The following MSI2 variants were observed in gnomAD, a reference collection of about 807,000 sequenced individuals.
MSI2 encodes the protein RNA-binding protein Musashi homolog 2.
In MSI2, 17 loss-of-function variants were observed where a neutral mutation model predicts 45.6. That is an observed-to-expected ratio of 0.37 (90% CI 0.26 to 0.56). The LOEUF (loss-of-function observed/expected upper bound fraction) is 0.56, where lower values mean the gene tolerates loss of function less well. MSI2 is among the 20% of genes least tolerant of loss of function. The pLI is 0.77. For missense variants in MSI2, 293 were observed against 444.2 expected, an observed-to-expected ratio of 0.66 and a Z score of 3.06; for synonymous variants, 156 against 158.2, an observed-to-expected ratio of 0.99 and a Z score of 0.11.
chr17:57,348,667 G>A (rs771988739), intron 5 of MSI2, among the ~76,000 whole-genome samples: 28 of 152,214 alleles, frequency 1.8e-4, no homozygotes, highest in Admixed American at 5.2e-4. Flanking sequence ...GCTGGAAGCC[G>A]TGCAGATGTG....
At chr17:57,613,840 G>A (rs1016825242) in intron 8 of MSI2, among the ~76,000 whole-genome samples, 1 of 152,098 alleles carries the variant, frequency 6.6e-6, no homozygotes, top group Non-Finnish European at 1.5e-5. Context: ...GAACCATTTT[G>A]TCCACTTTTT....
At chr17:57,513,122 C>T (rs865940557) in intron 6 of MSI2, among the ~76,000 whole-genome samples, 9 of 151,694 alleles carry the variant, frequency 5.9e-5, no homozygotes, top group Admixed American at 1.3e-4. Flanking sequence ...TACAGGTGCC[C>T]GCCACCACTG....
At chr17:57,624,197 A>G (rs965215) in intron 9 of MSI2, among the ~76,000 whole-genome samples, 133,616 of 152,290 alleles carry the variant, frequency 0.88, 58,854 homozygotes, top group African/African-American at 0.95. Flanking sequence ...GGTGACACAT[A>G]GGCTTATGCT....
rs536886585 is a variant in MSI2, at chr17:57,429,670, C to G, written c.405+28199C>G. Among the ~76,000 whole-genome samples the G allele has an allele frequency of 1.8e-3, 281 of 152,032 alleles. 1 individual carries two copies. Among genetic ancestry groups the G allele is most frequent in the Non-Finnish European group, 2.2e-3 (152 of 67,984 alleles). On this transcript the variant is annotated intron_variant, in intron 6 of 13. Coordinates refer to ENST00000284073, the MANE Select transcript of MSI2 (RefSeq NM_138962.4). Reference sequence around the variant, plus strand: ...GTGGGGAGTCATAGCCAGTGGAGCTCTAGTCTGTAACAAACACACCATCGG... The same window carrying G: ...GTGGGGAGTCATAGCCAGTGGAGCTGTAGTCTGTAACAAACACACCATCGG...
At chr17:57,277,617 C>T (rs1908989436) in intron 5 of MSI2, among the ~76,000 whole-genome samples, 1 of 152,192 alleles carries the variant, frequency 6.6e-6, no homozygotes, top group Non-Finnish European at 1.5e-5. Flanking sequence ...AGGAGGCAGA[C>T]AGTCTTAGGG....
At chr17:57,532,745 T>C (rs1817537475) in intron 7 of MSI2, among the ~76,000 whole-genome samples, 1 of 152,222 alleles carries the variant, frequency 6.6e-6, no homozygotes, top group African/African-American at 2.4e-5. Flanking sequence ...AGTGCTGCAG[T>C]GGCAGAAGTT....
intron 13 of MSI2, 138 bp from the exon 14 acceptor site, chr17:57,679,411 A>T (rs1913463701): frequency 7.7e-6 from 2 of 259,348 alleles, no homozygotes; most frequent in Non-Finnish European, 1.3e-5. Context: ...CGTATTCAAT[A>T]GTCCAGTGAA....
At chr17:57,344,763 A>G (rs1915454484) in intron 5 of MSI2, among the ~76,000 whole-genome samples, 1 of 152,196 alleles carries the variant, frequency 6.6e-6, no homozygotes, top group Non-Finnish European at 1.5e-5. Flanking sequence ...TAGTTTGCTC[A>G]ATCCTTAATA....
chr17:57,336,462 A>G (rs956898567), intron 5 of MSI2, among the ~76,000 whole-genome samples: 9 of 152,168 alleles, frequency 5.9e-5, no homozygotes, highest in Non-Finnish European at 7.4e-5. Flanking sequence ...TTTCGGGGTA[A>G]TACAGGACTT....
At chr17:57,283,814 G>T (rs1205250163) in intron 5 of MSI2, among the ~76,000 whole-genome samples, 1 of 152,200 alleles carries the variant, frequency 6.6e-6, no homozygotes, top group Non-Finnish European at 1.5e-5. Flanking sequence ...TTCAGGTGGG[G>T]CCTGCCGGGT....
chr17:57,606,895 T>TG lies in MSI2; in HGVS notation c.538-9066dup, dbSNP rs368966255. Among the ~76,000 whole-genome samples, 233 of 87,206 alleles carry TG rather than the reference T, an allele frequency of 2.7e-3. 1 individual carries two copies. The highest frequency in any genetic ancestry group is 6.3e-3 in the East Asian group (20 of 3,180). 57.2% of individuals were successfully genotyped at this position (87,206 alleles called of 152,430 possible). On this transcript the variant is annotated intron_variant, in intron 8 of 13. Transcript: ENST00000284073. The stretch of plus-strand genomic sequence containing the variant: ...GGAAGGGCTGTGTGAGGTGGGGTGA[T>TG]GGGGGGGGGTGGCTGGCAGCCAGAG...
At chr17:57,363,490 C>T (rs940457196) in intron 5 of MSI2, among the ~76,000 whole-genome samples, 1 of 152,166 alleles carries the variant, frequency 6.6e-6, no homozygotes, top group Admixed American at 6.5e-5. Flanking sequence ...ATAATCCCAG[C>T]CCTTTGGGAG....
intron 6 of MSI2, among the ~76,000 whole-genome samples, chr17:57,498,259 C>A (rs187891078): frequency 6.6e-6 from 1 of 152,228 alleles, no homozygotes; most frequent in East Asian, 1.9e-4. Flanking sequence ...AATCTCAATA[C>A]CCCAATTATG....
intron 5 of MSI2, among the ~76,000 whole-genome samples, chr17:57,303,195 T>C (rs955873495): frequency 2.6e-5 from 4 of 152,194 alleles, no homozygotes; most frequent in Non-Finnish European, 4.4e-5. Flanking sequence ...TTTTACTACA[T>C]GTTCAGCTGA....
chr17:57,341,220 C>T (rs1369605676), intron 5 of MSI2, among the ~76,000 whole-genome samples: 1 of 152,130 alleles, frequency 6.6e-6, no homozygotes, highest in Non-Finnish European at 1.5e-5. Context: ...TCAGTGTGGC[C>T]CCAGCATCAC....
At chr17:57,426,772 T>C (rs753352138) in intron 6 of MSI2, among the ~76,000 whole-genome samples, 3 of 152,172 alleles carry the variant, frequency 2.0e-5, no homozygotes, top group Non-Finnish European at 4.4e-5. Context: ...TACATCTGCA[T>C]TTGATAAAAA....
intron 6 of MSI2, among the ~76,000 whole-genome samples, chr17:57,456,394 G>A (rs187647001): frequency 6.8e-4 from 104 of 152,340 alleles, no homozygotes; most frequent in African/African-American, 2.4e-3. Context: ...TGGATCACGA[G>A]ATCAGGAGTT....
rs192797899 is a variant in MSI2 at position 57,320,467 on chromosome 17, T to C, written c.312+58275T>C. Reference sequence around the variant, plus strand: ...AGATAATAGGGAGGATTGTTAGGTATGCTGGGGCTGTTTTGGAGAATCCTC... The same window carrying C: ...AGATAATAGGGAGGATTGTTAGGTACGCTGGGGCTGTTTTGGAGAATCCTC... On this transcript the variant is annotated intron_variant, in intron 5 of 13. Transcript: ENST00000284073. Among the ~76,000 whole-genome samples the C allele has an allele frequency of 1.1e-3, 165 of 152,280 alleles. 1 individual carries two copies. The highest frequency in any genetic ancestry group is 3.9e-3 in the African/African-American group (161 of 41,552).
rs369859301 is a variant in MSI2 at position 57,507,622 on chromosome 17, T to C, written c.406-22054T>C. Among the ~76,000 whole-genome samples the C allele has an allele frequency of 5.1e-4, 77 of 152,210 alleles. 1 individual carries two copies. The South Asian group carries it at 0.015, about 30-fold the overall frequency. On this transcript the variant is annotated intron_variant, in intron 6 of 13. Coordinates refer to ENST00000284073, the MANE Select transcript of MSI2 (RefSeq NM_138962.4). ...ATAATGACTAGTTGTTTTGCATGAGTTGGGAACTGACTAGAAGGGAATTCC... is the reference window on the plus strand; with the variant it reads ...ATAATGACTAGTTGTTTTGCATGAGCTGGGAACTGACTAGAAGGGAATTCC...
Sources: allele counts gnomAD v4.1 joint callset (sites outside exome capture counted in the v4.1 genomes callset), GRCh38; gene constraint gnomAD v4.1.1; transcripts MANE v1.5; gene names NCBI Gene and HGNC (gene_info 2026-07-23, HGNC 2026-07-21).